The following TNR variants were observed in gnomAD, a reference collection of about 807,000 sequenced individuals.
TNR encodes the protein tenascin R.
A neutral mutation model predicts 150.4 loss-of-function variants in TNR; 45 were observed. The ratio of observed to expected loss-of-function variants is 0.30; its 90% confidence interval spans 0.24 to 0.38. TNR has a LOEUF of 0.38. TNR is among the 10% of genes least tolerant of loss of function. The probability of loss-of-function intolerance (pLI) is 1.00; values close to 1 mark genes in which losing one functional copy is unlikely to be tolerated. For synonymous variants in TNR, 687 were observed against 678.4 expected (o/e 1.01, Z -0.20); for missense variants, 1,544 against 1,759.1 (o/e 0.88, Z 2.19).
Position 175,315,798 on chromosome 1 carries a change from ATGTGTGTGTGTGCATGTG to A in TNR, c.*7541_*7558del, listed in dbSNP as rs1648819148. On this transcript the variant is annotated 3_prime_UTR_variant, in exon 23 of 23. Transcript: ENST00000367674. ...TGTGCACCTGTGTATGTGTGCATGCATGTGTGTGTGTGCATGTGTGTGTGTGTGTGTGTGTGTGTGTGT... is the reference window on the plus strand; with the variant it reads ...TGTGCACCTGTGTATGTGTGCATGCATGTGTGTGTGTGTGTGTGTGTGTGT... 7.4e-6 allele frequency: 1 copy of A among 134,672 alleles called. No individual in the cohort carries two copies. 8.3% of individuals were successfully genotyped at this position (134,672 alleles called of 1,614,324 possible). A position where few individuals can be genotyped will look rare whatever the true frequency, so the allele number is the denominator to read the frequency against.
At chr1:175,464,544 T>C (rs934646555) in intron 2 of TNR, among the ~76,000 whole-genome samples, 6 of 152,146 alleles carry the variant, frequency 3.9e-5, no homozygotes, top group African/African-American at 1.2e-4. Context: ...ACCCAGAACA[T>C]AGGCGTTCAG....
intron 1 of TNR, among the ~76,000 whole-genome samples, chr1:175,645,047 C>T (rs1664770507): frequency 6.6e-6 from 1 of 152,060 alleles, no homozygotes; most frequent in Admixed American, 6.5e-5. Flanking sequence ...TGAGTGCTAA[C>T]TGGGTGTAGA....
rs777393659 is a variant in TNR at position 175,706,973 on chromosome 1, G to A, written c.-165+36253C>T. Reference sequence around the variant, plus strand: ...GCACAGGTCAGAAGCAACCATGAGTGGTGAGAAGCTTACGGTGATATGACC... The same window carrying A: ...GCACAGGTCAGAAGCAACCATGAGTAGTGAGAAGCTTACGGTGATATGACC... On this transcript the variant is annotated intron_variant, in intron 1 of 22. Transcript: ENST00000367674. Among the ~76,000 whole-genome samples, 2 of 152,128 alleles carry A rather than the reference G, an allele frequency of 1.3e-5. 1 individual carries two copies. Among genetic ancestry groups the A allele is most frequent in the South Asian group, 4.1e-4 (2 of 4,820 alleles).
chr1:175,618,106 G>A (rs1185236707), intron 1 of TNR, among the ~76,000 whole-genome samples: 1 of 152,182 alleles, frequency 6.6e-6, no homozygotes, highest in Non-Finnish European at 1.5e-5. Flanking sequence ...TACAGTATTG[G>A]GGCAGGCTCC....
chr1:175,381,024 T>A (rs1652651012), intron 8 of TNR, among the ~76,000 whole-genome samples: 2 of 152,340 alleles, frequency 1.3e-5, no homozygotes, highest in South Asian at 4.1e-4. Flanking sequence ...ATTGGGTGAA[T>A]CTTTTAGCAG....
At chr1:175,514,796 C>G (rs1004268722) in intron 2 of TNR, among the ~76,000 whole-genome samples, 2 of 152,166 alleles carry the variant, frequency 1.3e-5, no homozygotes, top group Non-Finnish European at 2.9e-5. Flanking sequence ...AAATGCCAGG[C>G]GACCACAGCT....
intron 2 of TNR, among the ~76,000 whole-genome samples, chr1:175,451,361 C>A (rs776637211): frequency 6.6e-6 from 1 of 152,264 alleles, no homozygotes; most frequent in Non-Finnish European, 1.5e-5. Context: ...CTAATGCTTT[C>A]CCTTCCCCCT....
At position 175,406,715 on chromosome 1, in the gene TNR, C is replaced by T. The variant is rs1653983212; in HGVS notation, c.-1G>A. The T allele has an allele frequency of 6.2e-7, 1 of 1,613,030 alleles. No individual in the cohort carries two copies. The highest frequency in any genetic ancestry group is 1.3e-5 in the African/African-American group (1 of 74,922). On this transcript the variant is annotated 5_prime_UTR_variant, in exon 3 of 23. Transcript: ENST00000367674. ...CCACTGTTTCCCCATCTGCCCCCAT[C>T]CTCTCAGCCAGAGATCTGGGTTCAG...
chr1:175,643,830 A>T (rs531936148), intron 1 of TNR, among the ~76,000 whole-genome samples: 2 of 152,336 alleles, frequency 1.3e-5, no homozygotes, highest in African/African-American at 4.8e-5. Flanking sequence ...TCTTTCCAAT[A>T]GTTCCAAAGG....
intron 1 of TNR, among the ~76,000 whole-genome samples, chr1:175,612,770 G>T (rs1355835836): frequency 6.6e-6 from 1 of 152,156 alleles, no homozygotes; most frequent in African/African-American, 2.4e-5. Context: ...CATACTGTGG[G>T]AATGTAAACT....
At chr1:175,594,273 G>A (rs957172823) in intron 1 of TNR, among the ~76,000 whole-genome samples, 27 of 151,846 alleles carry the variant, frequency 1.8e-4, no homozygotes, top group East Asian at 5.8e-4. Context: ...CTGTATATCA[G>A]TCAATATAGG....
intron 2 of TNR, among the ~76,000 whole-genome samples, chr1:175,457,846 T>C (rs925497794): frequency 5.3e-5 from 8 of 152,266 alleles, no homozygotes; most frequent in African/African-American, 1.9e-4. Context: ...AGTTAAGTAT[T>C]ATTTCCCCAC....
At chr1:175,474,552 A>C (rs1436825061) in intron 2 of TNR, among the ~76,000 whole-genome samples, 4 of 152,252 alleles carry the variant, frequency 2.6e-5, no homozygotes, top group African/African-American at 9.6e-5. Flanking sequence ...TGAGCAAACT[A>C]GCACAAGATC....
intron 1 of TNR, among the ~76,000 whole-genome samples, chr1:175,550,922 C>T (rs1483593444): frequency 6.6e-6 from 1 of 151,996 alleles, no homozygotes; most frequent in Admixed American, 6.6e-5. Flanking sequence ...TAAATTGACA[C>T]CATGTGTAGG....
chr1:175,669,615 C>T (rs1049176947), intron 1 of TNR, among the ~76,000 whole-genome samples: 1 of 152,186 alleles, frequency 6.6e-6, no homozygotes, highest in African/African-American at 2.4e-5. Flanking sequence ...TGCAAAAAGG[C>T]CCTACAAGAG....
Position 175,599,439 on chromosome 1 carries a change from T to C in TNR, c.-164-71070A>G, listed in dbSNP as rs1190395865. ...TTGTCATGGCGACGGAAGCAGACCA[T>C]TAGAGCATTACGAGGAAATGAGAAG... On this transcript the variant is annotated intron_variant, in intron 1 of 22. Transcript: ENST00000367674. The surrounding 1 kb of genome is among the most constrained non-coding windows in gnomAD (Gnocchi z 4.7). 6.6e-6 allele frequency among the ~76,000 whole-genome samples: 1 copy of C among 152,108 alleles called. No homozygotes were observed. Among genetic ancestry groups the C allele is most frequent in the African/African-American group, 2.4e-5 (1 of 41,418 alleles).
At chr1:175,632,908 C>A (rs6681098) in intron 1 of TNR, among the ~76,000 whole-genome samples, 1 of 151,964 alleles carries the variant, frequency 6.6e-6, no homozygotes, top group Non-Finnish European at 1.5e-5. Flanking sequence ...CCTCCCTATA[C>A]AAGGTTATGA....
intron 2 of TNR, among the ~76,000 whole-genome samples, chr1:175,449,509 T>C (rs1028804409): frequency 6.6e-6 from 1 of 152,234 alleles, no homozygotes; most frequent in Non-Finnish European, 1.5e-5. Context: ...AGACCTGTTA[T>C]GAGTCATTTT....
chr1:175,636,898 C>G (rs964996274), intron 1 of TNR, among the ~76,000 whole-genome samples: 1 of 152,208 alleles, frequency 6.6e-6, no homozygotes, highest in Non-Finnish European at 1.5e-5. Flanking sequence ...CCCTTTGCGA[C>G]CTCCATAACT....
Sources: allele counts gnomAD v4.1 joint callset (sites outside exome capture counted in the v4.1 genomes callset), GRCh38; gene constraint gnomAD v4.1.1; non-coding constraint Gnocchi (gnomAD v3.1); transcripts MANE v1.5; gene names NCBI Gene and HGNC (gene_info 2026-07-23, HGNC 2026-07-21).